Variants in SLAMF6 observed in about 807,000 individuals in gnomAD.
SLAMF6 encodes the protein NK-T-B-antigen.
SLAMF6 carries 21 observed loss-of-function variants against 38.3 expected under a neutral mutation model. The ratio of observed to expected loss-of-function variants is 0.55; its 90% confidence interval spans 0.39 to 0.79. SLAMF6 has a LOEUF of 0.79. Ranked by LOEUF, SLAMF6 falls within the 30% of genes least tolerant of loss-of-function variation. SLAMF6 has a pLI of 0.00. For synonymous variants in SLAMF6, 152 were observed against 146.3 expected, an observed-to-expected ratio of 1.04 and a Z score of -0.28; for missense variants, 341 against 385.3, an observed-to-expected ratio of 0.89 and a Z score of 0.96.
At chr1:160,498,741 T>G (rs1225423344) in intron 1 of SLAMF6, among the ~76,000 whole-genome samples, 1 of 152,184 alleles carries the variant, frequency 6.6e-6, no homozygotes, top group Non-Finnish European at 1.5e-5. Context: ...TTTTTGACTT[T>G]TTAATAATAG....
intron 1 of SLAMF6, among the ~76,000 whole-genome samples, chr1:160,510,971 GCAGTTCCATGTA>G (rs1654441640): frequency 6.6e-6 from 1 of 152,106 alleles, no homozygotes; most frequent in African/African-American, 2.4e-5. Context: ...GTTAAGAAAA[GCAGTTCCATGTA>G]CAGTAGCATT....
chr1:160,500,914 C>T (rs927429036), intron 1 of SLAMF6, among the ~76,000 whole-genome samples: 13 of 152,178 alleles, frequency 8.5e-5, no homozygotes, highest in Admixed American at 8.5e-4. Context: ...TGTTTAAGTT[C>T]CATTGATTTT....
rs548560293 is a variant in SLAMF6, at chr1:160,514,208, G to T, written c.49+8936C>A. Among the ~76,000 whole-genome samples the T allele has an allele frequency of 3.4e-4, 51 of 152,138 alleles. 2 individuals carry two copies. The South Asian group carries it at 0.011, about 32-fold the overall frequency. Reference sequence around the variant, plus strand: ...CAAATGGAAACCAGAAAAAAGCAGGGATTGCAATCCTAGTTTCTGACAAAA... The same window carrying T: ...CAAATGGAAACCAGAAAAAAGCAGGTATTGCAATCCTAGTTTCTGACAAAA... On this transcript the variant is annotated intron_variant, in intron 1 of 7. Coordinates refer to ENST00000368057, the MANE Select transcript of SLAMF6 (RefSeq NM_001184714.2).
intron 1 of SLAMF6, among the ~76,000 whole-genome samples, chr1:160,516,419 C>T (rs1654746903): frequency 6.6e-6 from 1 of 152,108 alleles, no homozygotes; most frequent in Non-Finnish European, 1.5e-5. Flanking sequence ...ATGAAAATGA[C>T]CATACTGCCC....
At chr1:160,495,026 T>G (rs1653501249) in intron 2 of SLAMF6, among the ~76,000 whole-genome samples, 1 of 152,202 alleles carries the variant, frequency 6.6e-6, no homozygotes, top group African/African-American at 2.4e-5. Flanking sequence ...TGGTGTTCTA[T>G]TCTTCAAGAA....
intron 1 of SLAMF6, among the ~76,000 whole-genome samples, chr1:160,510,782 A>G (rs1166352317): frequency 1.3e-5 from 2 of 152,216 alleles, no homozygotes; most frequent in East Asian, 3.8e-4. Context: ...CAATTGAAAA[A>G]GAATGTGTAA....
At chr1:160,504,035 G>T (rs75209900) in intron 1 of SLAMF6, among the ~76,000 whole-genome samples, 1 of 3,812 alleles carries the variant, frequency 2.6e-4, no homozygotes, top group Non-Finnish European at 5.8e-4. Context: ...AAAAAAAAAA[G>T]CAAAAGAAAA....
chr1:160,501,140 A>G (rs528263026), intron 1 of SLAMF6, among the ~76,000 whole-genome samples: 9 of 152,194 alleles, frequency 5.9e-5, no homozygotes, highest in Non-Finnish European at 1.0e-4. Flanking sequence ...ATATTTGCTA[A>G]CTTCCATGCT....
chr1:160,509,947 A>G (rs1389457078), intron 1 of SLAMF6, among the ~76,000 whole-genome samples: 1 of 152,160 alleles, frequency 6.6e-6, no homozygotes, highest in Non-Finnish European at 1.5e-5. Flanking sequence ...AGAAATAACA[A>G]CTAAAAGGAT....
At position 160,510,574 on chromosome 1, in the gene SLAMF6, A is replaced by C. The variant is rs77180566; in HGVS notation, c.49+12570T>G. Among the ~76,000 whole-genome samples the C allele has an allele frequency of 6.8e-3, 1,037 of 152,316 alleles. 11 individuals carry two copies. Among genetic ancestry groups the C allele is most frequent in the African/African-American group, 0.023 (969 of 41,566 alleles). ...TAAAAACACTTTAGAATCTAGAAATAGAAGGGAACTTCCTCAGTCTGATAA... is the reference window on the plus strand; with the variant it reads ...TAAAAACACTTTAGAATCTAGAAATCGAAGGGAACTTCCTCAGTCTGATAA... On this transcript the variant is annotated intron_variant, in intron 1 of 7. Transcript: ENST00000368057.
At chr1:160,490,715 A>G (rs1362522687) in intron 3 of SLAMF6, 30 bp from the exon 4 acceptor site, 3 of 1,608,192 alleles carry the variant, frequency 1.9e-6, no homozygotes, top group Non-Finnish European at 2.5e-6. Flanking sequence ...ATGACATTTG[A>G]GACACATCAA....
chr1:160,513,574 G>A (rs188617198), intron 1 of SLAMF6, among the ~76,000 whole-genome samples: 17 of 152,204 alleles, frequency 1.1e-4, no homozygotes, highest in Admixed American at 2.0e-4. Flanking sequence ...ATTCTTCAAG[G>A]TCAAAATGAA....
At chr1:160,503,158 A>G (rs1336913165) in intron 1 of SLAMF6, among the ~76,000 whole-genome samples, 1 of 152,156 alleles carries the variant, frequency 6.6e-6, no homozygotes, top group Non-Finnish European at 1.5e-5. Flanking sequence ...GGTAAAGGGG[A>G]AGAAGTTGGA....
chr1:160,496,014 G>A, intron 2 of SLAMF6, 47 bp downstream of exon 2: 1 of 1,517,684 alleles, frequency 6.6e-7, no homozygotes, highest in Non-Finnish European at 9.0e-7. Context: ...TGGAATACAT[G>A]TATATTTTTC....
intron 1 of SLAMF6, among the ~76,000 whole-genome samples, chr1:160,512,025 C>T (rs1056609193): frequency 1.3e-5 from 2 of 152,190 alleles, no homozygotes; most frequent in African/African-American, 4.8e-5. Flanking sequence ...CCCTCGTGAG[C>T]CAACACCACA....
chr1:160,517,347 C>A (rs1557950521), intron 1 of SLAMF6, among the ~76,000 whole-genome samples: 1 of 152,044 alleles, frequency 6.6e-6, no homozygotes, highest in Non-Finnish European at 1.5e-5. Context: ...ATGAAAAAGT[C>A]AAGAAACAAC....
intron 2 of SLAMF6, among the ~76,000 whole-genome samples, chr1:160,493,146 CCT>C (rs138477450): frequency 0.035 from 5,369 of 152,230 alleles, 103 homozygotes; most frequent in Middle Eastern, 0.065. Flanking sequence ...CGATGTGGCC[CCT>C]GTTTCCTTTC....
At position 160,490,375 on chromosome 1, in the gene SLAMF6, T is replaced by C. The variant is rs1214203849; in HGVS notation, c.758-139A>G. On this transcript the variant is annotated intron_variant, in intron 4 of 7. Coordinates refer to ENST00000368057, the MANE Select transcript of SLAMF6 (RefSeq NM_001184714.2). ...CAGCCCTGAGACAGGGTCCCACTTT[T>C]CCCAGTAGGACATTTCTCTCAGGAT... is the stretch of plus-strand genomic sequence containing the variant. 13 of 1,396,490 alleles carry C rather than the reference T, an allele frequency of 9.3e-6. No homozygotes were observed. The Admixed American group carries it at 2.5e-4, about 27-fold the overall frequency. The allele number at this position is 1,396,490 out of a possible 1,614,324, so 86.5% of individuals were successfully genotyped here. A position where few individuals can be genotyped will look rare whatever the true frequency, so the allele number is the denominator to read the frequency against.
intron 1 of SLAMF6, among the ~76,000 whole-genome samples, chr1:160,503,816 T>C (rs1303689572): frequency 6.6e-6 from 1 of 151,540 alleles, no homozygotes; most frequent in African/African-American, 2.4e-5. Context: ...AAGAGGCAAC[T>C]TAAAAATGCT....
Sources: allele counts gnomAD v4.1 joint callset (sites outside exome capture counted in the v4.1 genomes callset), GRCh38; gene constraint gnomAD v4.1.1; transcripts MANE v1.5; gene names NCBI Gene and HGNC (gene_info 2026-07-23, HGNC 2026-07-21).